Variants in OPCML observed in about 807,000 individuals in gnomAD.
OPCML encodes opioid binding protein/cell adhesion molecule like.
OPCML carries 13 observed loss-of-function variants against 37.8 expected under a neutral mutation model. The observed-to-expected ratio is 0.34, with a 90% CI of 0.22 to 0.55. The LOEUF (loss-of-function observed/expected upper bound fraction) is 0.55. OPCML is among the 20% of genes least tolerant of loss of function. The pLI, the probability that OPCML is intolerant of heterozygous loss-of-function variation, is 0.91. For missense variants in OPCML, 341 were observed against 435.6 expected, an observed-to-expected ratio of 0.78 and a Z score of 1.93; for synonymous variants, 176 against 168.8, an observed-to-expected ratio of 1.04 and a Z score of -0.33.
At chr11:133,084,368 G>A (rs978977166) in intron 1 of OPCML, among the ~76,000 whole-genome samples, 2 of 152,142 alleles carry the variant, frequency 1.3e-5, no homozygotes, top group African/African-American at 2.4e-5. Context: ...ATTAACATCC[G>A]ATGAAGGTCA....
chr11:132,679,741 T>A (rs954383509), intron 2 of OPCML, among the ~76,000 whole-genome samples: 16 of 152,168 alleles, frequency 1.1e-4, no homozygotes, highest in African/African-American at 3.1e-4. Context: ...ATGAGTAAAG[T>A]GTATGGCATG....
At chr11:133,261,399 G>A (rs1941491346) in intron 1 of OPCML, among the ~76,000 whole-genome samples, 2 of 152,282 alleles carry the variant, frequency 1.3e-5, no homozygotes, top group South Asian at 4.2e-4. Context: ...CACTTTCAGT[G>A]GCTCCATGTT....
Position 132,877,882 on chromosome 11 carries a change from T to A in OPCML, c.146+65044A>T, listed in dbSNP as rs576952606. On this transcript the variant is annotated intron_variant, in intron 2 of 7. Transcript: ENST00000524381. ...GTCATAGGAACATTGCCTAGAAGCT[T>A]GTTTCTAATTGTTTACATTTTATTT... 2.0e-5 allele frequency among the ~76,000 whole-genome samples: 3 copies of A among 152,362 alleles called. No homozygotes were observed. The South Asian group carries it at 6.2e-4, about 32-fold the overall frequency.
At chr11:133,443,699 A>C (rs1426955217) in intron 1 of OPCML, among the ~76,000 whole-genome samples, 1 of 152,226 alleles carries the variant, frequency 6.6e-6, no homozygotes, top group African/African-American at 2.4e-5. Flanking sequence ...TTGTGTGTGC[A>C]GCACTTCTTT....
chr11:132,892,361 G>C (rs1943682439), intron 2 of OPCML, among the ~76,000 whole-genome samples: 1 of 152,188 alleles, frequency 6.6e-6, no homozygotes, highest in South Asian at 2.1e-4. Flanking sequence ...GAGCTATTTG[G>C]AGTGGGGGAC....
chr11:132,510,383 G>A (rs187280607), intron 4 of OPCML, among the ~76,000 whole-genome samples: 135 of 152,254 alleles, frequency 8.9e-4, no homozygotes, highest in African/African-American at 3.2e-3. Flanking sequence ...GGGAAGGCAT[G>A]ATTGGTTTTG....
chr11:132,435,309 G>A (rs2096009325), intron 7 of OPCML: 1 of 1,227,670 alleles, frequency 8.1e-7, no homozygotes. Context: ...TGTGTCTGAG[G>A]TGCACGTGGA....
At chr11:132,542,983 T>C (rs1272853763) in intron 3 of OPCML, among the ~76,000 whole-genome samples, 1 of 152,132 alleles carries the variant, frequency 6.6e-6, no homozygotes, top group African/African-American at 2.4e-5. Context: ...ATACAGAAAC[T>C]CTTTATCTTG....
At chr11:133,327,698 T>C (rs1943507769) in intron 1 of OPCML, among the ~76,000 whole-genome samples, 1 of 152,174 alleles carries the variant, frequency 6.6e-6, no homozygotes, top group African/African-American at 2.4e-5. Flanking sequence ...CCAGATTCTC[T>C]GAGCAGCACT....
rs1231989431 is a variant in OPCML at position 132,499,757 on chromosome 11, TA to T, written c.505+29303del. On this transcript the variant is annotated intron_variant, in intron 4 of 7. Coordinates refer to ENST00000524381, the MANE Select transcript of OPCML (RefSeq NM_001012393.5). ...TTGTCCTGAGGATGCAAGGAATAAT[TA>T]CTTTCAAGGACATGCTGGCAACTGA... Among the ~76,000 whole-genome samples, 3 of 152,324 alleles carry T rather than the reference TA, an allele frequency of 2.0e-5. No individual in the cohort carries two copies. The East Asian group carries it at 5.8e-4, about 29-fold the overall frequency.
chr11:132,907,786 C>T (rs959840772), intron 2 of OPCML, among the ~76,000 whole-genome samples: 1 of 149,446 alleles, frequency 6.7e-6, no homozygotes, highest in Non-Finnish European at 1.5e-5. Flanking sequence ...GCTCACTGCA[C>T]GTTGCTCTGT....
intron 1 of OPCML, among the ~76,000 whole-genome samples, chr11:133,492,003 A>G (rs1422500065): frequency 6.6e-6 from 1 of 152,208 alleles, no homozygotes; most frequent in Non-Finnish European, 1.5e-5. Flanking sequence ...GGAGATGAGG[A>G]AAGCACGCTC....
intron 4 of OPCML, among the ~76,000 whole-genome samples, chr11:132,525,021 A>G (rs1438957844): frequency 6.6e-6 from 1 of 152,122 alleles, no homozygotes; most frequent in African/African-American, 2.4e-5. Context: ...TCCCACTCCA[A>G]TCAACTTTAC....
intron 1 of OPCML, among the ~76,000 whole-genome samples, chr11:133,083,596 A>G (rs1948774885): frequency 6.6e-6 from 1 of 152,220 alleles, no homozygotes; most frequent in South Asian, 2.1e-4. Flanking sequence ...ATTCAGTTGC[A>G]TGTTCGCCAC....
At chr11:133,058,828 C>T (rs963087100) in intron 1 of OPCML, among the ~76,000 whole-genome samples, 4 of 152,198 alleles carry the variant, frequency 2.6e-5, no homozygotes, top group African/African-American at 9.6e-5. Context: ...GGCAAGATGA[C>T]TTTACAGTCA....
chr11:133,273,046 T>C (rs1941895854), intron 1 of OPCML, among the ~76,000 whole-genome samples: 1 of 152,200 alleles, frequency 6.6e-6, no homozygotes, highest in East Asian at 1.9e-4. Flanking sequence ...TCAAGAGCTC[T>C]GCATTTAATC....
At position 133,507,904 on chromosome 11, in the gene OPCML, A is replaced by G. The variant is rs374666721; in HGVS notation, c.61+24360T>C. Among the ~76,000 whole-genome samples, 19 of 151,398 alleles carry G rather than the reference A, an allele frequency of 1.3e-4. 1 individual carries two copies. The highest frequency in any genetic ancestry group is 4.4e-4 in the African/African-American group (18 of 41,216). ...AGAGGTTGCAGTGAGCTGAGATCAC[A>G]CCACTGCACTCCAGACTGGGTGACA... On this transcript the variant is annotated intron_variant, in intron 1 of 7. Coordinates refer to ENST00000524381, the MANE Select transcript of OPCML (RefSeq NM_001012393.5).
intron 1 of OPCML, among the ~76,000 whole-genome samples, chr11:133,172,131 A>G (rs1592070820): frequency 6.6e-6 from 1 of 152,162 alleles, no homozygotes; most frequent in Non-Finnish European, 1.5e-5. Flanking sequence ...ACTCCTTTCT[A>G]TTGGAGTTGA....
At chr11:133,057,040 C>T (rs1348997854) in intron 1 of OPCML, among the ~76,000 whole-genome samples, 5 of 152,230 alleles carry the variant, frequency 3.3e-5, no homozygotes, top group Admixed American at 2.6e-4. Context: ...GACGGGGTTT[C>T]TCCATGTTGG....
Sources: allele counts gnomAD v4.1 joint callset (sites outside exome capture counted in the v4.1 genomes callset), GRCh38; gene constraint gnomAD v4.1.1; transcripts MANE v1.5; gene names NCBI Gene and HGNC (gene_info 2026-07-23, HGNC 2026-07-21).